The following SLC12A7 variants were observed in gnomAD, a reference collection of about 807,000 sequenced individuals.
SLC12A7 encodes solute carrier family 12 member 7, also known as K-Cl cotransporter 4.
In SLC12A7, 100 loss-of-function variants were observed where a neutral mutation model predicts 120.6. The observed-to-expected ratio is 0.83, with a 90% CI of 0.71 to 0.98. The LOEUF (loss-of-function observed/expected upper bound fraction) is 0.98, where lower values mean the gene tolerates loss of function less well. SLC12A7 is among the 50% of genes least tolerant of loss of function. The probability of loss-of-function intolerance (pLI) is 0.00; values close to 1 mark genes in which losing one functional copy is unlikely to be tolerated. For missense variants in SLC12A7, 1,373 were observed against 1,548.1 expected (o/e 0.89, Z 1.90); for synonymous variants, 760 against 678.0 (o/e 1.12, Z -1.88).
chr5:1,099,656 G>A (rs556231287), intron 1 of SLC12A7, among the ~76,000 whole-genome samples: 1 of 152,298 alleles, frequency 6.6e-6, no homozygotes, highest in African/African-American at 2.4e-5. Context: ...GGGCTGAAAT[G>A]CTGAACTCAC....
intron 8 of SLC12A7, among the ~76,000 whole-genome samples, chr5:1,082,334 GGC>G (rs1739260516): frequency 9.0e-6 from 1 of 111,328 alleles, no homozygotes; most frequent in South Asian, 2.6e-4. Flanking sequence ...GGAAAGTCCG[GGC>G]TTCCCGTCTC....
the SLC12A7 span, among the ~76,000 whole-genome samples, chr5:1,122,424 A>G: frequency 1.3e-5 from 2 of 152,224 alleles, no homozygotes; most frequent in Admixed American, 1.3e-4. Context: ...AACTGGTAAA[A>G]ATGTTTGTTA....
At chr5:1,080,196 CA>C (rs1428207058) in intron 9 of SLC12A7, among the ~76,000 whole-genome samples, 4 of 35,302 alleles carry the variant, frequency 1.1e-4, no homozygotes, top group Non-Finnish European at 3.0e-4. Flanking sequence ...CGGAGCCACG[CA>C]GAGGCTCTAC....
chr5:1,144,115 C>A, the SLC12A7 span, among the ~76,000 whole-genome samples: 10 of 152,146 alleles, frequency 6.6e-5, no homozygotes. Context: ...AGAGAGGGGA[C>A]CTGGACGCAC....
chr5:1,114,076 C>A (rs1213385060), upstream of SLC12A7, among the ~76,000 whole-genome samples: 4 of 152,242 alleles, frequency 2.6e-5, no homozygotes, highest in Non-Finnish European at 5.9e-5. Context: ...TGGCCAGGGC[C>A]AGCTCCCGGA....
intron 1 of SLC12A7, among the ~76,000 whole-genome samples, chr5:1,107,131 T>C (rs1242340405): frequency 3.3e-5 from 5 of 152,196 alleles, no homozygotes; most frequent in Admixed American, 1.3e-4. Context: ...CCCTCCCTCT[T>C]CTTTCTCTTT....
At chr5:1,095,912 G>T (rs1214485266) in intron 1 of SLC12A7, among the ~76,000 whole-genome samples, 1 of 152,254 alleles carries the variant, frequency 6.6e-6, no homozygotes, top group Non-Finnish European at 1.5e-5. Context: ...AGTGACTGCA[G>T]ATGCCTAGAC....
the SLC12A7 span, among the ~76,000 whole-genome samples, chr5:1,143,464 C>G: frequency 6.6e-6 from 1 of 152,180 alleles, no homozygotes; most frequent in Non-Finnish European, 1.5e-5. Flanking sequence ...TCCCTGGTGT[C>G]GCTTTCTCTT....
At chr5:1,081,014 A>G (rs1739014258) in intron 9 of SLC12A7, among the ~76,000 whole-genome samples, 1 of 63,638 alleles carries the variant, frequency 1.6e-5, no homozygotes, top group African/African-American at 4.0e-5. Context: ...AGAGACAGAC[A>G]GACAGACAGA....
intron 1 of SLC12A7, among the ~76,000 whole-genome samples, chr5:1,100,250 G>A (rs1003046620): frequency 1.3e-5 from 2 of 152,198 alleles, no homozygotes; most frequent in Non-Finnish European, 2.9e-5. Context: ...TACCCTCCGC[G>A]CCGCCTGATG....
At chr5:1,079,644 C>T in intron 9 of SLC12A7, 148 bp from the exon 10 acceptor site, 1 of 671,086 alleles carries the variant, frequency 1.5e-6, no homozygotes, top group Non-Finnish European at 2.6e-6. Context: ...TCCGCCAGCC[C>T]ACGCTGCAAT....
Position 1,065,496 on chromosome 5 carries a change from G to T in SLC12A7, c.2242-18C>A, listed in dbSNP as rs774782645. The T allele has an allele frequency of 2.6e-6, 4 of 1,546,920 alleles. No homozygotes were observed. The highest frequency in any genetic ancestry group is 2.4e-5 in the South Asian group (2 of 81,682). On this transcript the variant is annotated intron_variant, in intron 17 of 23. Coordinates refer to ENST00000264930, the MANE Select transcript of SLC12A7 (RefSeq NM_006598.3). Reference sequence around the variant, plus strand: ...CGTATGTTCTGCGGGAGACAGGACAGGTTGGTGCTACAGCAGGAATGGGGT... The same window carrying T: ...CGTATGTTCTGCGGGAGACAGGACATGTTGGTGCTACAGCAGGAATGGGGT...
At chr5:1,137,694 G>A in the SLC12A7 span, among the ~76,000 whole-genome samples, 1 of 152,232 alleles carries the variant, frequency 6.6e-6, no homozygotes, top group Non-Finnish European at 1.5e-5. Context: ...CCACACATCT[G>A]GGCGATTCGG....
rs199620140 is a variant in SLC12A7 at position 1,057,621 on chromosome 5, G to A, written c.2876C>T (p.Ala959Val). The change falls in exon 22 of 24, where the codon GCG becomes GTG. Residue 959 changes from alanine to valine, a missense_variant. Transcript: ENST00000264930. ...EAQLIHDRNT[A>V]SHTAAAARTQ... ...CCTGGCTGCCGCCGCGGTGTGGGAC[G>A]CGGTGTTCCTGTCGTGGATCAGCTG... 150 of 1,603,816 alleles carry A rather than the reference G, an allele frequency of 9.4e-5. No individual in the cohort carries two copies. Among genetic ancestry groups the A allele is most frequent in the Admixed American group, 1.5e-4 (9 of 59,922 alleles).
At position 1,086,992 on chromosome 5, in the gene SLC12A7, C is replaced by T. The variant is rs780125830; in HGVS notation, c.586G>A (p.Glu196Lys). The change falls in exon 6 of 24, where the codon GAG becomes AAG. Residue 196 changes from glutamate (E) to lysine (K), a missense_variant. Glu to Lys is a moderately conservative substitution (Grantham distance 56, BLOSUM62 1). Transcript: ENST00000264930. ...YYMISRSLGP[E>K]FGGAVGLCFY... The stretch of plus-strand genomic sequence containing the variant: ...CAGAGGCCGACAGCGCCTCCAAACT[C>T]GGGTCCCAGCGAGCGCGATATCATG... 6.2e-7 allele frequency: 1 copy of T among 1,612,814 alleles called. No homozygotes were observed. Among genetic ancestry groups the T allele is most frequent in the Non-Finnish European group, 8.5e-7 (1 of 1,179,978 alleles).
intron 5 of SLC12A7, among the ~76,000 whole-genome samples, chr5:1,087,517 G>C (rs914802537): frequency 6.6e-6 from 1 of 152,290 alleles, no homozygotes; most frequent in Non-Finnish European, 1.5e-5. Context: ...GCTCTGAGCA[G>C]TGCGTGTGGC....
chr5:1,075,340 C>A (rs767365778), intron 15 of SLC12A7, 31 bp downstream of exon 15: 1 of 1,600,344 alleles, frequency 6.2e-7, no homozygotes, highest in South Asian at 1.1e-5. Context: ...TCCCGTGCGC[C>A]GGGTCTGTAA....
At chr5:1,134,330 T>C in the SLC12A7 span, among the ~76,000 whole-genome samples, 1 of 151,948 alleles carries the variant, frequency 6.6e-6, no homozygotes, top group African/African-American at 2.4e-5. Context: ...ATCAGCCGGG[T>C]GTGGTGGCAC....
At chr5:1,054,837 T>TGTGCTGTGG (rs1424652918) in intron 22 of SLC12A7, among the ~76,000 whole-genome samples, 1 of 152,240 alleles carries the variant, frequency 6.6e-6, no homozygotes, top group Admixed American at 6.5e-5. Flanking sequence ...CTGGTCTAAT[T>TGTGCTGTGG]ACAGATGGGG....
Sources: gnomAD v4.1 joint callset for allele counts (sites outside exome capture counted in the v4.1 genomes callset) on GRCh38, gnomAD v4.1.1 for gene constraint, MANE v1.5 for transcripts, NCBI Gene and HGNC (gene_info 2026-07-23, HGNC 2026-07-21) for gene names.